CHODL: variants seen among roughly 807,000 people sequenced by gnomAD.
CHODL encodes chondrolectin, also known as transmembrane protein MT75.
In CHODL, 29 loss-of-function variants were observed where a neutral mutation model predicts 34.5. The observed-to-expected ratio is 0.84, with a 90% CI of 0.63 to 1.15. The LOEUF (loss-of-function observed/expected upper bound fraction) is 1.15. Ranked by LOEUF, CHODL falls within the 50% of genes most tolerant of loss-of-function variation. CHODL has a pLI of 0.00. For synonymous variants in CHODL, 125 were observed against 116.1 expected (o/e 1.08, Z -0.49); for missense variants, 332 against 332.5 (o/e 1.00, Z 0.01).
chr21:18,234,778 G>A (rs535274588), intron 2 of CHODL, among the ~76,000 whole-genome samples: 5 of 152,198 alleles, frequency 3.3e-5, no homozygotes, highest in East Asian at 1.9e-4. Context: ...CATCTTTGGC[G>A]TTGAGTCGGA....
At chr21:17,933,807 A>G (rs8126658) in intron 1 of CHODL, among the ~76,000 whole-genome samples, 64,339 of 151,782 alleles carry the variant, frequency 0.42, 13,718 homozygotes, top group South Asian at 0.53. Context: ...TTGGGAGGCC[A>G]AGGTGGGTGC....
At chr21:18,238,103 T>A (rs2074046403) in intron 2 of CHODL, among the ~76,000 whole-genome samples, 1 of 152,124 alleles carries the variant, frequency 6.6e-6, no homozygotes, top group Non-Finnish European at 1.5e-5. Flanking sequence ...TCCTTTATGA[T>A]TGTCCTAAAG....
In CHODL at chr21:18,216,801, A is replaced by C. The variant is rs367707441; in HGVS notation, c.-44-39708A>C. Among the ~76,000 whole-genome samples the C allele has an allele frequency of 5.9e-5, 9 of 152,216 alleles. No homozygotes were observed. In the East Asian group the frequency reaches 1.4e-3, roughly 23 times the overall value. ...AGGTGAGAGAAAAAGAGAAGCGGGG[A>C]AGTCCCAGACACTTATCACACAACC... On this transcript the variant is annotated intron_variant, in intron 2 of 6. Coordinates refer to the CHODL transcript ENST00000400127.
intron 1 of CHODL, among the ~76,000 whole-genome samples, chr21:18,013,912 G>A (rs1330150290): frequency 2.0e-5 from 3 of 151,974 alleles, no homozygotes; most frequent in East Asian, 1.9e-4. Flanking sequence ...TGGGATTACC[G>A]GCGTGAGCCA....
At chr21:18,179,258 C>T (rs1455943981) in intron 2 of CHODL, among the ~76,000 whole-genome samples, 3 of 152,166 alleles carry the variant, frequency 2.0e-5, no homozygotes, top group African/African-American at 4.8e-5. Flanking sequence ...CTTTGACCCA[C>T]TTGACCCATT....
chr21:18,116,665 T>C (rs1491773), intron 2 of CHODL, among the ~76,000 whole-genome samples: 65,231 of 151,992 alleles, frequency 0.43, 15,200 homozygotes, highest in East Asian at 0.88. Flanking sequence ...AGAGCAGGCC[T>C]GAGGCCACTA....
intron 4 of CHODL, among the ~76,000 whole-genome samples, chr21:18,262,243 CA>C: frequency 6.6e-6 from 1 of 152,074 alleles, no homozygotes; most frequent in East Asian, 1.9e-4. Context: ...TAACTTTTAC[CA>C]AAACATGAAT....
At chr21:17,990,470 A>G (rs2063788342) in intron 1 of CHODL, among the ~76,000 whole-genome samples, 1 of 152,170 alleles carries the variant, frequency 6.6e-6, no homozygotes, top group African/African-American at 2.4e-5. Context: ...GCCTTTAGCC[A>G]AAATACTGGG....
chr21:18,211,279 C>T (rs910254454), intron 2 of CHODL, among the ~76,000 whole-genome samples: 2 of 151,980 alleles, frequency 1.3e-5, no homozygotes, highest in Admixed American at 6.6e-5. Context: ...ACTGTATATT[C>T]CCCCTCTCTG....
In CHODL at chr21:18,014,177, C is replaced by T. The variant is rs541640064; in HGVS notation, c.-144-13695C>T. Among the ~76,000 whole-genome samples the T allele has an allele frequency of 4.3e-4, 65 of 152,160 alleles. 1 individual carries two copies. In the South Asian group the frequency reaches 0.012, roughly 29 times the overall value. On this transcript the variant is annotated intron_variant, in intron 1 of 6. Coordinates refer to the CHODL transcript ENST00000400127. ...CAAAGGAAACCACATGTAGGGAATG[C>T]TAATGGTTGGTTCAACAGGAGATTG...
intron 2 of CHODL, among the ~76,000 whole-genome samples, chr21:18,183,404 A>G (rs2073405173): frequency 6.6e-6 from 1 of 152,208 alleles, no homozygotes. Context: ...CTACCATGTC[A>G]TCTAAGTGCC....
chr21:18,256,422 T>C, intron 1 of CHODL, 87 bp from the exon 2 acceptor site: 1 of 1,238,786 alleles, frequency 8.1e-7, no homozygotes, highest in Non-Finnish European at 1.1e-6. Context: ...ATTTTCTGCT[T>C]TGACTGGTTC....
chr21:18,128,296 C>CAAAAAAAAAAAAAAAA (rs71189585), intron 2 of CHODL, among the ~76,000 whole-genome samples: 2 of 28,058 alleles, frequency 7.1e-5, no homozygotes, highest in Non-Finnish European at 1.2e-4. Context: ...GCAAGAGTCT[C>CAAAAAAAAAAAAAAAA]AAAAAAAAAA....
At chr21:18,128,065 C>T (rs1483053578) in intron 2 of CHODL, among the ~76,000 whole-genome samples, 8 of 151,530 alleles carry the variant, frequency 5.3e-5, no homozygotes, top group East Asian at 1.9e-4. Context: ...TTTTGGGAGG[C>T]GGAGGTGGGC....
At position 17,974,375 on chromosome 21, in the gene CHODL, C is replaced by G. The variant is rs533123459; in HGVS notation, c.-144-53497C>G. ...GCAACCTCCGCCTCCTGGGTTCAAA[C>G]AATTCTCCTGCCTCAGCCTCCCAAG... On this transcript the variant is annotated intron_variant, in intron 1 of 6. Transcript: ENST00000400127. Among the ~76,000 whole-genome samples the G allele has an allele frequency of 8.5e-5, 13 of 152,106 alleles. No individual in the cohort carries two copies. The Middle Eastern group carries it at 0.01, about 119-fold the overall frequency.
intron 2 of CHODL, among the ~76,000 whole-genome samples, chr21:18,055,601 C>G (rs1054595490): frequency 2.6e-5 from 4 of 151,922 alleles, no homozygotes; most frequent in Non-Finnish European, 4.4e-5. Flanking sequence ...CAGGGCTCAC[C>G]ACAGTTAGCA....
At chr21:18,107,014 A>T (rs1354679969) in intron 2 of CHODL, among the ~76,000 whole-genome samples, 1 of 152,220 alleles carries the variant, frequency 6.6e-6, no homozygotes, top group Non-Finnish European at 1.5e-5. Context: ...CATAACTATT[A>T]TGATAAGAAG....
Position 18,008,312 on chromosome 21 carries a change from TTGTG to T in CHODL, c.-144-19540_-144-19537del, listed in dbSNP as rs34024669. 5.2e-4 allele frequency among the ~76,000 whole-genome samples: 77 copies of T among 148,506 alleles called. No individual in the cohort carries two copies. In the Middle Eastern group the frequency reaches 0.017, roughly 33 times the overall value. On this transcript the variant is annotated intron_variant, in intron 1 of 6. Transcript: ENST00000400127. Reference sequence around the variant, plus strand: ...TTATAATCTCCAAAAATTTCTTTGTTTGTGTGTGTGTGTGTGTGTGTGTTGTAAC... The same window carrying T: ...TTATAATCTCCAAAAATTTCTTTGTTTGTGTGTGTGTGTGTGTGTTGTAAC...
chr21:18,092,378 C>T (rs1182781733), intron 2 of CHODL, among the ~76,000 whole-genome samples: 1 of 152,180 alleles, frequency 6.6e-6, no homozygotes, highest in Non-Finnish European at 1.5e-5. Context: ...CAAGCCCCGA[C>T]TGTGAAGACT....
Sources: allele counts gnomAD v4.1 joint callset (sites outside exome capture counted in the v4.1 genomes callset), GRCh38; gene constraint gnomAD v4.1.1; transcripts MANE v1.5; gene names NCBI Gene and HGNC (gene_info 2026-07-23, HGNC 2026-07-21).